Variants in ADPGK observed in about 807,000 individuals in gnomAD.
ADPGK encodes the protein ADP-dependent glucokinase.
In ADPGK, 26 loss-of-function variants were observed where a neutral mutation model predicts 42.4. The ratio of observed to expected loss-of-function variants is 0.61; its 90% CI spans 0.45 to 0.85. The LOEUF is 0.85. Ranked by LOEUF, ADPGK falls within the 40% of genes least tolerant of loss-of-function variation. ADPGK has a pLI of 0.00. For missense variants in ADPGK, 571 were observed against 627.0 expected, an observed-to-expected ratio of 0.91 and a Z score of 0.95; for synonymous variants, 267 against 252.6, an observed-to-expected ratio of 1.06 and a Z score of -0.54.
chr15:72,752,253 C>T lies in ADPGK; in HGVS notation c.*88G>A. The T allele has an allele frequency of 7.7e-7, 1 of 1,293,680 alleles. No homozygotes were observed. The highest frequency in any genetic ancestry group is 1.1e-6 in the Non-Finnish European group (1 of 952,214). The allele number at this position is 1,293,680 out of a possible 1,614,324, so 80.1% of individuals were successfully genotyped here. On this transcript the variant is annotated 3_prime_UTR_variant, in exon 7 of 7. Coordinates refer to ENST00000456471, the MANE Select transcript of ADPGK (RefSeq NM_001365225.1). ...GATACAGTTTAATCTGCTTTTATTT[C>T]TTTGGCTGTCTTCCAAACCACTTTC...
At chr15:72,770,036 G>A (rs1566958092) in intron 3 of ADPGK, among the ~76,000 whole-genome samples, 2 of 152,194 alleles carry the variant, frequency 1.3e-5, no homozygotes, top group African/African-American at 2.4e-5. Flanking sequence ...CTTAATCTCT[G>A]TAGTTCTCAG....
intron 1 of ADPGK, among the ~76,000 whole-genome samples, chr15:72,782,232 G>T (rs1444179253): frequency 6.6e-6 from 1 of 152,096 alleles, no homozygotes; most frequent in African/African-American, 2.4e-5. Context: ...CTGAATGAAC[G>T]CGCATAAAGC....
intron 3 of ADPGK, among the ~76,000 whole-genome samples, chr15:72,765,338 G>A (rs1217136503): frequency 2.0e-5 from 3 of 152,004 alleles, no homozygotes; most frequent in Admixed American, 6.6e-5. Flanking sequence ...TAGTAGAGAC[G>A]GGGTTTTAAC....
intron 3 of ADPGK, among the ~76,000 whole-genome samples, chr15:72,761,071 C>A (rs1434335507): frequency 6.6e-6 from 1 of 152,186 alleles, no homozygotes; most frequent in Non-Finnish European, 1.5e-5. Flanking sequence ...CACCTGCAAG[C>A]CAGGAAGAGA....
intron 3 of ADPGK, among the ~76,000 whole-genome samples, chr15:72,769,746 A>T (rs1262029049): frequency 6.6e-6 from 1 of 152,222 alleles, no homozygotes; most frequent in Non-Finnish European, 1.5e-5. Context: ...TAGCATGGCT[A>T]TTAGGAGAAT....
chr15:72,756,107 G>T, intron 5 of ADPGK, 144 bp downstream of exon 5: 1 of 947,554 alleles, frequency 1.1e-6, no homozygotes, highest in Non-Finnish European at 1.7e-6. Flanking sequence ...CCTCACTGCA[G>T]CAGGAGGCAA....
chr15:72,769,861 C>T (rs1011991160), intron 3 of ADPGK, among the ~76,000 whole-genome samples: 1 of 152,076 alleles, frequency 6.6e-6, no homozygotes, highest in African/African-American at 2.4e-5. Flanking sequence ...TTCCTATCTG[C>T]AAAATGGGGA....
intron 4 of ADPGK, chr15:72,757,200 CCTT>C (rs1372978781): frequency 4.3e-5 from 5 of 117,110 alleles, no homozygotes; most frequent in Middle Eastern, 5.7e-3. Flanking sequence ...TTTCTTTTTT[CCTT>C]TTTTTTTTTT....
intron 1 of ADPGK, 92 bp from the exon 2 acceptor site, chr15:72,775,189 T>A: frequency 8.9e-7 from 1 of 1,120,456 alleles, no homozygotes; most frequent in Non-Finnish European, 1.3e-6. Context: ...CAGAACCTTA[T>A]TCAACAGAAA....
At chr15:72,755,217 CAA>C (rs1282709625) in intron 6 of ADPGK, among the ~76,000 whole-genome samples, 1 of 152,224 alleles carries the variant, frequency 6.6e-6, no homozygotes, top group Non-Finnish European at 1.5e-5. Flanking sequence ...GAGGTTCCCT[CAA>C]AGTTTCTTTG....
chr15:72,774,769 TC>T (rs1169474207), intron 2 of ADPGK, 102 bp downstream of exon 2: 1 of 1,059,898 alleles, frequency 9.4e-7, no homozygotes, highest in African/African-American at 1.6e-5. Flanking sequence ...TTTGCTCCCC[TC>T]CTCTTCAAAC....
rs2151100297 is a variant in ADPGK at position 72,783,567 on chromosome 15, C to T, written c.125G>A (p.Gly42Glu). 6.6e-7 allele frequency: 1 copy of T among 1,510,662 alleles called. No homozygotes were observed. The highest frequency in any genetic ancestry group is 1.4e-5 in the African/African-American group (1 of 69,528). 93.6% of individuals were successfully genotyped at this position (1,510,662 alleles called of 1,614,324 possible). ...GGGTCCCGGGGGCGCAGGCGCGGGC[C>T]CCAGACACAGCGAGCTCCAGAGAGA... ...LRSLWSSLCL[G>E]PAPAPPGPVS... Residue 42 changes from glycine (G) to glutamate (E), a missense_variant, in exon 1 of 7, where the codon GGG becomes GAG. By Grantham distance (98) the Gly-to-Glu change is moderately conservative (BLOSUM62 -2). This residue lies in a region of ADPGK where 137 missense variants were observed against 104.2 expected (regional missense o/e 1.31). Coordinates refer to ENST00000456471, the MANE Select transcript of ADPGK (RefSeq NM_001365225.1).
At position 72,752,439 on chromosome 15, in the gene ADPGK, G is replaced by T; in HGVS notation, c.1396C>A (p.Pro466Thr). The change falls in exon 7 of 7, where the codon CCA becomes ACA. Residue 466 changes from proline (P) to threonine (T), a missense_variant. Physicochemically the swap from Pro to Thr is conservative, Grantham distance 38. This residue lies in a region of ADPGK where 434 missense variants were observed against 522.7 expected (regional missense o/e 0.83). Coordinates refer to ENST00000456471, the MANE Select transcript of ADPGK (RefSeq NM_001365225.1). The stretch of plus-strand genomic sequence containing the variant: ...ATGGGGTCTTTACACACCAATACTG[G>T]TGTGAAGTGGAAGGATATTCCCTCT... The part of the protein sequence containing the change: ...HREGISFHFT[P>T]VLVCKDPIRT... The T allele has an allele frequency of 1.9e-6, 3 of 1,614,220 alleles. No individual in the cohort carries two copies. The highest frequency in any genetic ancestry group is 2.5e-6 in the Non-Finnish European group (3 of 1,180,046).
intron 3 of ADPGK, among the ~76,000 whole-genome samples, chr15:72,765,366 T>C (rs1468995019): frequency 6.6e-6 from 1 of 152,168 alleles, no homozygotes; most frequent in Non-Finnish European, 1.5e-5. Context: ...GCCAGACTGG[T>C]CTCAAACTCC....
chr15:72,780,439 G>C (rs143832775), intron 1 of ADPGK, among the ~76,000 whole-genome samples: 2 of 152,150 alleles, frequency 1.3e-5, no homozygotes, highest in African/African-American at 2.4e-5. Context: ...AGCTTATGGG[G>C]ATTACAATTC....
At chr15:72,783,344 G>C in intron 1 of ADPGK, 115 bp downstream of exon 1, 1 of 1,291,488 alleles carries the variant, frequency 7.7e-7, no homozygotes, top group Non-Finnish European at 9.8e-7. Context: ...CAAGGGGCCA[G>C]CGCGGACAGC....
intron 4 of ADPGK, chr15:72,758,137 G>A (rs998371271): frequency 1.1e-5 from 18 of 1,613,534 alleles, no homozygotes; most frequent in Admixed American, 1.7e-5. Flanking sequence ...GGACCACCAG[G>A]TCTGGCTGAA....
intron 3 of ADPGK, among the ~76,000 whole-genome samples, chr15:72,762,223 C>G (rs1232863165): frequency 6.6e-6 from 1 of 151,964 alleles, no homozygotes; most frequent in Non-Finnish European, 1.5e-5. Context: ...GTTGCCCAGG[C>G]TAGTCTCGAA....
At chr15:72,757,722 T>C (rs1473997885) in intron 4 of ADPGK, 2 of 181,632 alleles carry the variant, frequency 1.1e-5, no homozygotes, top group East Asian at 3.1e-4. Context: ...AAATCCAACA[T>C]TTTGCAAATC....
Sources: gnomAD v4.1 joint callset for allele counts (sites outside exome capture counted in the v4.1 genomes callset) on GRCh38, gnomAD v4.1.1 for gene constraint, gnomAD v4.1.1 regional missense constraint, MANE v1.5 for transcripts, NCBI Gene and HGNC (gene_info 2026-07-23, HGNC 2026-07-21) for gene names.